Variants in PTPRE observed in about 807,000 individuals in gnomAD.
The protein encoded by PTPRE is receptor-type tyrosine-protein phosphatase epsilon.
Under a neutral mutation model 102.0 loss-of-function variants are expected in PTPRE, and 51 were observed. The observed-to-expected ratio is 0.50, with a 90% confidence interval of 0.40 to 0.63. The LOEUF (loss-of-function observed/expected upper bound fraction) is 0.63. Among genes scored for constraint, PTPRE ranks in the 30% least tolerant of loss-of-function variants. PTPRE has a pLI of 0.00. For synonymous variants in PTPRE, 345 were observed against 348.2 expected (o/e 0.99, Z 0.10); for missense variants, 752 against 915.1 (o/e 0.82, Z 2.30).
At chr10:127,991,208 A>ATCGAATTCAAAGGCATCACTATT (rs1852619736) in intron 2 of PTPRE, among the ~76,000 whole-genome samples, 1 of 152,240 alleles carries the variant, frequency 6.6e-6, no homozygotes, top group Non-Finnish European at 1.5e-5. Context: ...TTTGAGCAAG[A>ATCGAATTCAAAGGCATCACTATT]TCGAATTCAA....
At chr10:128,056,242 T>C (rs1342373047) in intron 7 of PTPRE, 29 bp downstream of exon 7, 1 of 1,562,308 alleles carries the variant, frequency 6.4e-7, no homozygotes, top group Admixed American at 1.7e-5. Context: ...TTTTGCATGA[T>C]CAATGGTGTT....
At chr10:128,062,544 G>A (rs541571210) in intron 9 of PTPRE, among the ~76,000 whole-genome samples, 6 of 152,304 alleles carry the variant, frequency 3.9e-5, no homozygotes, top group African/African-American at 1.4e-4. Context: ...CCCTCAGCAC[G>A]TAGCACTTAG....
intron 2 of PTPRE, chr10:128,000,071 C>A: frequency 2.9e-6 from 2 of 683,420 alleles, no homozygotes; most frequent in East Asian, 1.4e-4. Context: ...GAGTCTTTAA[C>A]TTAGTATTAA....
At chr10:127,965,582 C>A (rs1295452220) in intron 1 of PTPRE, among the ~76,000 whole-genome samples, 1 of 152,224 alleles carries the variant, frequency 6.6e-6, no homozygotes, top group Non-Finnish European at 1.5e-5. Flanking sequence ...GATATTAAAA[C>A]ATAAACATAT....
chr10:128,074,227 A>T (rs116701980), intron 17 of PTPRE, among the ~76,000 whole-genome samples: 1 of 152,352 alleles, frequency 6.6e-6, no homozygotes, highest in Admixed American at 6.5e-5. Context: ...CATGCTTTCA[A>T]GGTTCATCTA....
intron 2 of PTPRE, among the ~76,000 whole-genome samples, chr10:128,013,209 T>G (rs1564882718): frequency 6.6e-6 from 1 of 152,184 alleles, no homozygotes; most frequent in South Asian, 2.1e-4. Context: ...GGAACTGTAT[T>G]ACTTCAAGTG....
intron 1 of PTPRE, among the ~76,000 whole-genome samples, chr10:127,961,018 CAAAAA>C (rs5788882): frequency 2.2e-4 from 31 of 140,382 alleles, no homozygotes; most frequent in Admixed American, 1.6e-3. Flanking sequence ...CAGACTCTGT[CAAAAA>C]AAAAAAAAAA....
chr10:127,938,025 A>G (rs956473496), intron 1 of PTPRE, among the ~76,000 whole-genome samples: 9 of 152,092 alleles, frequency 5.9e-5, no homozygotes, highest in Admixed American at 3.3e-4. Flanking sequence ...AAGAAGGAAA[A>G]TATTTATTCC....
chr10:128,006,954 C>T (rs919718736), intron 2 of PTPRE, among the ~76,000 whole-genome samples: 6 of 152,308 alleles, frequency 3.9e-5, no homozygotes, highest in African/African-American at 9.6e-5. Context: ...TACAACTCCA[C>T]GGCTCCTAGT....
intron 2 of PTPRE, among the ~76,000 whole-genome samples, chr10:127,986,828 C>A (rs1852130704): frequency 6.6e-6 from 1 of 152,188 alleles, no homozygotes; most frequent in Non-Finnish European, 1.5e-5. Flanking sequence ...AGCTATATGC[C>A]CCGGGCCGGC....
Position 128,072,195 on chromosome 10 carries a change from T to G in PTPRE, c.1445T>G (p.Ile482Ser). The G allele has an allele frequency of 6.2e-7, 1 of 1,613,922 alleles. No homozygotes were observed. The highest frequency in any genetic ancestry group is 2.2e-5 in the East Asian group (1 of 44,878). The stretch of plus-strand genomic sequence containing the variant: ...AGGGGTCAAGAATACACAGACTACA[T>G]CAACGCATCCTTCATAGACGTACGT... ...MKRGQEYTDY[I>S]NASFIDGYRQ... is the part of the protein sequence containing the mutation. The change falls in exon 16 of 21, where the codon ATC (isoleucine) becomes AGC (serine). Residue 482 changes from isoleucine to serine, a missense_variant. Physicochemically the swap from Ile to Ser is moderately radical, Grantham distance 142 (BLOSUM62 -2). Coordinates refer to ENST00000254667, the MANE Select transcript of PTPRE (RefSeq NM_006504.6).
intron 2 of PTPRE, among the ~76,000 whole-genome samples, chr10:128,002,807 C>T (rs1854102832): frequency 6.7e-6 from 1 of 149,214 alleles, no homozygotes; most frequent in African/African-American, 2.5e-5. Context: ...AGTCTTCCCA[C>T]CTCAGCCTCT....
chr10:127,908,743 C>T (rs1332444677), intron 1 of PTPRE, among the ~76,000 whole-genome samples: 1 of 152,160 alleles, frequency 6.6e-6, no homozygotes, highest in Non-Finnish European at 1.5e-5. Flanking sequence ...AGGCTCTGCC[C>T]CTGAATCTGA....
chr10:128,055,118 G>A (rs1402524039), intron 6 of PTPRE, among the ~76,000 whole-genome samples: 1 of 152,164 alleles, frequency 6.6e-6, no homozygotes, highest in African/African-American at 2.4e-5. Context: ...CTGGCGCACT[G>A]AGACACTCAG....
chr10:128,054,628 A>G (rs377129515), intron 6 of PTPRE, among the ~76,000 whole-genome samples: 2 of 151,514 alleles, frequency 1.3e-5, no homozygotes, highest in African/African-American at 2.4e-5. Flanking sequence ...AAGGGCCTCA[A>G]CCTGTGGCCA....
At chr10:127,923,797 C>A (rs561560257) in intron 1 of PTPRE, among the ~76,000 whole-genome samples, 4 of 152,174 alleles carry the variant, frequency 2.6e-5, no homozygotes, top group Admixed American at 6.5e-5. Flanking sequence ...AGTTTACTTC[C>A]GGGTATCTCT....
chr10:128,047,502 C>T lies in PTPRE; in HGVS notation c.209+13C>T, dbSNP rs374030110. Reference sequence around the variant, plus strand: ...CCTACTTCTTCAGGTAGGAGTGTCCCGGGGCACTGACTTGCCCCAACCAGC... The same window carrying T: ...CCTACTTCTTCAGGTAGGAGTGTCCTGGGGCACTGACTTGCCCCAACCAGC... On this transcript the variant is annotated intron_variant, in intron 4 of 20. Coordinates refer to ENST00000254667, the MANE Select transcript of PTPRE (RefSeq NM_006504.6). 260 of 1,613,152 alleles carry T rather than the reference C, an allele frequency of 1.6e-4. No individual in the cohort carries two copies. The African/African-American group carries it at 2.1e-3, about 13-fold the overall frequency.
chr10:127,993,324 A>G (rs945297387), intron 2 of PTPRE, among the ~76,000 whole-genome samples: 20 of 152,226 alleles, frequency 1.3e-4, no homozygotes, highest in African/African-American at 4.6e-4. Context: ...TGTTTTCTCT[A>G]ACTCCCATTT....
chr10:128,041,069 G>A (rs1342901376), intron 3 of PTPRE, 79 bp downstream of exon 3: 32 of 1,240,286 alleles, frequency 2.6e-5, no homozygotes, highest in Non-Finnish European at 3.6e-5. Flanking sequence ...TGATAAAGGG[G>A]CTTAGGGTAA....
Sources: gnomAD v4.1 joint callset for allele counts (sites outside exome capture counted in the v4.1 genomes callset) on GRCh38, gnomAD v4.1.1 for gene constraint, MANE v1.5 for transcripts, NCBI Gene and HGNC (gene_info 2026-07-23, HGNC 2026-07-21) for gene names.